The following AHCY variants were observed in gnomAD, a reference collection of about 807,000 sequenced individuals.
AHCY encodes S-adenosyl-L-homocysteine hydrolase.
A neutral mutation model predicts 45.4 loss-of-function variants in AHCY; 24 were observed. The ratio of observed to expected loss-of-function variants is 0.53; its 90% CI spans 0.38 to 0.74. The LOEUF (loss-of-function observed/expected upper bound fraction) is 0.74. Among genes scored for constraint, AHCY ranks in the 30% least tolerant of loss-of-function variants. The pLI is 0.00. For missense variants in AHCY, 449 were observed against 594.1 expected (o/e 0.76, Z 2.54); for synonymous variants, 245 against 235.1 (o/e 1.04, Z -0.39).
Position 34,290,005 on chromosome 20 carries a change from AT to A in AHCY, c.972+326del, listed in dbSNP as rs1462476199. 1.3e-5 allele frequency among the ~76,000 whole-genome samples: 2 copies of A among 152,144 alleles called. No homozygotes were observed. The highest frequency in any genetic ancestry group is 2.9e-5 in the Non-Finnish European group (2 of 68,004). The stretch of plus-strand genomic sequence containing the variant: ...CAGCACTCCCTAAGCTGAGGCTGCC[AT>A]CATCCCCTGCAGGGATTCTACGAGC... On this transcript the variant is annotated intron_variant, in intron 8 of 9. Transcript: ENST00000217426. The surrounding 1 kb of genome is among the most constrained non-coding windows in gnomAD (Gnocchi z 4.5).
At chr20:34,269,244 G>A in the AHCY span, 1 of 1,421,846 alleles carries the variant, frequency 7.0e-7, no homozygotes, top group Non-Finnish European at 9.1e-7. Flanking sequence ...TCCCTAACAG[G>A]GCGGCTTCCC....
chr20:34,292,454 T>A lies in AHCY; in HGVS notation c.349A>T (p.Thr117Ser). 6.2e-7 allele frequency: 1 copy of A among 1,614,072 alleles called. No individual in the cohort carries two copies. Among genetic ancestry groups the A allele is most frequent in the Non-Finnish European group, 8.5e-7 (1 of 1,180,030 alleles). Reference sequence around the variant, plus strand: ...AGGGGCCCGTCCTTGAAGTACAGGGTCTGCTCAATGCACCACAGGTACTCC... The same window carrying A: ...AGGGGCCCGTCCTTGAAGTACAGGGACTGCTCAATGCACCACAGGTACTCC... ...DEEYLWCIEQ[T>S]LYFKDGPLNM... Residue 117 changes from threonine (T) to serine (S), a missense_variant, in exon 4 of 10, where the codon ACC (threonine) becomes TCC (serine). By Grantham distance (58) the Thr-to-Ser change is moderately conservative (BLOSUM62 1). Coordinates refer to ENST00000217426, the MANE Select transcript of AHCY (RefSeq NM_000687.4).
At chr20:34,303,185 G>C (rs539616699) in intron 1 of AHCY, 58 bp downstream of exon 1, 1 of 1,549,398 alleles carries the variant, frequency 6.5e-7, no homozygotes, top group South Asian at 1.2e-5. Context: ...CCCCCGCCAC[G>C]AACAAGCCCC....
chr20:34,245,697 A>G, the AHCY span, among the ~76,000 whole-genome samples: 1 of 151,842 alleles, frequency 6.6e-6, no homozygotes, highest in Non-Finnish European at 1.5e-5. Context: ...CAAATGACCA[A>G]AATTTTTTAT....
chr20:34,234,509 C>T, the AHCY span, among the ~76,000 whole-genome samples: 1 of 151,292 alleles, frequency 6.6e-6, no homozygotes, highest in African/African-American at 2.4e-5. Flanking sequence ...TTTCTCCTTC[C>T]TTCCTTCCTT....
chr20:34,268,658 C>G, the AHCY span, among the ~76,000 whole-genome samples: 1 of 151,850 alleles, frequency 6.6e-6, no homozygotes, highest in Non-Finnish European at 1.5e-5. Flanking sequence ...ATCGCCTGAG[C>G]CCGAGATCGA....
In AHCY at chr20:34,295,568, C is replaced by G. The variant is rs1441177582; in HGVS notation, c.46G>C (p.Ala16Pro). 6.2e-7 allele frequency: 1 copy of G among 1,614,132 alleles called. No individual in the cohort carries two copies. The highest frequency in any genetic ancestry group is 1.7e-5 in the Admixed American group (1 of 60,026). Residue 16 changes from alanine to proline, a missense_variant, in exon 2 of 10, where the codon GCC becomes CCC. Ala to Pro is a conservative substitution (Grantham distance 27). Transcript: ENST00000217426. Reference sequence around the variant, plus strand: ...ATGTCCAGGGCCTTGCGTCCCCAGGCAGCCAGGCCGATGTCGGCTACGGGA... The same window carrying G: ...ATGTCCAGGGCCTTGCGTCCCCAGGGAGCCAGGCCGATGTCGGCTACGGGA... The part of the protein sequence containing the change: ...PYKVADIGLA[A>P]WGRKALDIAE...
intron 8 of AHCY, among the ~76,000 whole-genome samples, chr20:34,289,364 G>A (rs150653367): frequency 0.02 from 3,075 of 151,660 alleles, 54 homozygotes; most frequent in Non-Finnish European, 0.03. Context: ...TAGTAGAGAC[G>A]GGGTTTCACT....
At chr20:34,281,682 T>G in intron 9 of AHCY, 1 of 202,510 alleles carries the variant, frequency 4.9e-6, no homozygotes, top group Non-Finnish European at 1.0e-5. Context: ...AAAGTTCTTT[T>G]TTTTGTGACA....
At chr20:34,297,245 G>T (rs1159874941) in intron 1 of AHCY, among the ~76,000 whole-genome samples, 1 of 151,860 alleles carries the variant, frequency 6.6e-6, no homozygotes, top group African/African-American at 2.4e-5. Flanking sequence ...ACTGAACCCA[G>T]CAGGAGGACA....
At chr20:34,295,088 G>A (rs963643963) in intron 2 of AHCY, 8 of 469,508 alleles carry the variant, frequency 1.7e-5, no homozygotes, top group African/African-American at 1.4e-4. Flanking sequence ...AAGGGCCAAG[G>A]CAAGCTGGCC....
chr20:34,265,421 G>A, the AHCY span, among the ~76,000 whole-genome samples: 5 of 152,264 alleles, frequency 3.3e-5, no homozygotes, highest in East Asian at 9.7e-4. Context: ...ATACTCAGGA[G>A]GCTGAAGTAG....
intron 1 of AHCY, among the ~76,000 whole-genome samples, chr20:34,296,146 C>A (rs2036572241): frequency 1.3e-5 from 2 of 152,314 alleles, no homozygotes; most frequent in Admixed American, 1.3e-4. Flanking sequence ...CTTGGCCTCT[C>A]TGCCCCAGGG....
rs112629627 is a variant in AHCY, at chr20:34,295,544, T to C, written c.70A>G (p.Ile24Val). The C allele has an allele frequency of 8.1e-6, 13 of 1,614,114 alleles. No individual in the cohort carries two copies. The highest frequency in any genetic ancestry group is 1.3e-5 in the African/African-American group (1 of 75,054). Residue 24 changes from isoleucine to valine, a missense_variant, in exon 2 of 10, where the codon ATT becomes GTT. Ile to Val is a conservative substitution (Grantham distance 29). Transcript: ENST00000217426. Reference sequence around the variant, plus strand: ...AGGCCCGGCATCTCGTTCTCAGCAATGTCCAGGGCCTTGCGTCCCCAGGCA... The same window carrying C: ...AGGCCCGGCATCTCGTTCTCAGCAACGTCCAGGGCCTTGCGTCCCCAGGCA... Reference protein sequence around the residue: ...LAAWGRKALDIAENEMPGLMR... With the variant: ...LAAWGRKALDVAENEMPGLMR...
At chr20:34,247,690 C>T in the AHCY span, among the ~76,000 whole-genome samples, 2 of 151,966 alleles carry the variant, frequency 1.3e-5, no homozygotes, top group East Asian at 1.9e-4. Flanking sequence ...CTCACTGCAG[C>T]CTTGATCTCC....
chr20:34,234,648 A>T, the AHCY span, among the ~76,000 whole-genome samples: 4 of 152,046 alleles, frequency 2.6e-5, no homozygotes, highest in Non-Finnish European at 5.9e-5. Context: ...CTAAAAATAC[A>T]AAAATTCGCC....
the AHCY span, among the ~76,000 whole-genome samples, chr20:34,251,935 C>T: frequency 3.3e-4 from 51 of 152,278 alleles, no homozygotes; most frequent in East Asian, 1.2e-3. Flanking sequence ...AATAAATTTC[C>T]GTTGTTTAGA....
At position 34,290,709 on chromosome 20, in the gene AHCY, A is replaced by G; in HGVS notation, c.766+22T>C. 3.7e-6 allele frequency: 6 copies of G among 1,613,258 alleles called. No individual in the cohort carries two copies. The highest frequency in any genetic ancestry group is 4.2e-6 in the Non-Finnish European group (5 of 1,179,910). On this transcript the variant is annotated intron_variant, in intron 6 of 9. Coordinates refer to ENST00000217426, the MANE Select transcript of AHCY (RefSeq NM_000687.4). This position sits in a 1 kb window ranked among gnomAD's most constrained non-coding sequence, Gnocchi z 4.5. ...CTCCCTCTGGCCCCAGTGGCTGACA[A>G]CCAACCCTTGCCCTATCCTACCCTC...
At chr20:34,243,982 G>C in the AHCY span, among the ~76,000 whole-genome samples, 1 of 152,030 alleles carries the variant, frequency 6.6e-6, no homozygotes, top group Non-Finnish European at 1.5e-5. Context: ...GGAGAATGGC[G>C]TGAACCCGGG....
Sources: gnomAD v4.1 joint callset for allele counts (sites outside exome capture counted in the v4.1 genomes callset) on GRCh38, gnomAD v4.1.1 for gene constraint, Gnocchi (gnomAD v3.1) non-coding constraint, MANE v1.5 for transcripts, NCBI Gene and HGNC (gene_info 2026-07-23, HGNC 2026-07-21) for gene names.